Variants in MOCS1 observed in about 807,000 individuals in gnomAD.
MOCS1 encodes molybdenum cofactor synthesis 1.
Under a neutral mutation model 57.6 loss-of-function variants are expected in MOCS1, and 39 were observed. The ratio of observed to expected loss-of-function variants is 0.68; its 90% CI spans 0.52 to 0.88. The LOEUF is 0.88. MOCS1 is among the 40% of genes least tolerant of loss of function. The pLI is 0.00. For synonymous variants in MOCS1, 334 were observed against 335.7 expected, an observed-to-expected ratio of 1.00 and a Z score of 0.05; for missense variants, 795 against 831.1, an observed-to-expected ratio of 0.96 and a Z score of 0.53.
At chr6:39,927,759 C>T in intron 1 of MOCS1, 1 of 1,487,804 alleles carries the variant, frequency 6.7e-7, no homozygotes, top group Non-Finnish European at 8.9e-7. Context: ...AATCTATTAG[C>T]CCTTATTCTT....
At chr6:39,913,279 C>G (rs769748043) in intron 6 of MOCS1, 38 bp downstream of exon 6, 2 of 1,574,012 alleles carry the variant, frequency 1.3e-6, no homozygotes, top group Non-Finnish European at 1.7e-6. Context: ...CAGGCCCAAC[C>G]CCTTCTTCCC....
Position 39,905,469 on chromosome 6 carries a change from G to A in MOCS1, c.*888C>T, listed in dbSNP as rs201675490. 57 of 470,992 alleles carry A rather than the reference G, an allele frequency of 1.2e-4. No homozygotes were observed. The highest frequency in any genetic ancestry group is 2.2e-5 in the Non-Finnish European group (5 of 227,068). 29.2% of individuals were successfully genotyped at this position (470,992 alleles called of 1,614,324 possible). ...TTGATTGATAGGTGCAGCCTTCCCTGTGAAACTGCAGCAGCTCAGTGCCCT... is the reference window on the plus strand; with the variant it reads ...TTGATTGATAGGTGCAGCCTTCCCTATGAAACTGCAGCAGCTCAGTGCCCT... On this transcript the variant is annotated 3_prime_UTR_variant, in exon 11 of 11. Transcript: ENST00000340692.
chr6:39,912,867 G>T, intron 7 of MOCS1, 25 bp downstream of exon 7: 1 of 1,586,234 alleles, frequency 6.3e-7, no homozygotes, highest in Non-Finnish European at 8.7e-7. Flanking sequence ...CTCCAGGCCT[G>T]CCCCACACCC....
At chr6:39,916,906 G>A (rs542811994) in intron 3 of MOCS1, among the ~76,000 whole-genome samples, 1 of 152,318 alleles carries the variant, frequency 6.6e-6, no homozygotes, top group East Asian at 1.9e-4. Context: ...TGACTAGTGT[G>A]CACGCAGCTT....
Position 39,906,354 on chromosome 6 carries a change from G to A in MOCS1, c.*3C>T. 1 of 1,596,628 alleles carries A rather than the reference G, an allele frequency of 6.3e-7. No individual in the cohort carries two copies. The highest frequency in any genetic ancestry group is 8.6e-7 in the Non-Finnish European group (1 of 1,168,528). On this transcript the variant is annotated 3_prime_UTR_variant, in exon 11 of 11. Coordinates refer to ENST00000340692, the MANE Select transcript of MOCS1 (RefSeq NM_001358530.2). Reference sequence around the variant, plus strand: ...GGTGGGCCATGGGTGAGAAGGGCAGGTGCTAAGCCCGATGGAAGTCCCCCC... The same window carrying A: ...GGTGGGCCATGGGTGAGAAGGGCAGATGCTAAGCCCGATGGAAGTCCCCCC...
Position 39,916,102 on chromosome 6 carries a change from C to A in MOCS1, c.549G>T (p.Val183=), listed in dbSNP as rs1582817180. Residue 183 remains valine (V), a synonymous_variant, in exon 4 of 11, where the codon GTG becomes GTT. Transcript: ENST00000340692. ...SAINISLDTL[V]PAKFEFIVRR... ...GGACAATGAACTCAAACTTGGCAGG[C>A]ACCAGGGTGTCCAGGCTGATGTTGA... The A allele has an allele frequency of 1.9e-6, 3 of 1,612,930 alleles. No homozygotes were observed. The African/African-American group carries it at 4.0e-5, about 22-fold the overall frequency.
At position 39,906,335 on chromosome 6, in the gene MOCS1, C is replaced by T. The variant is rs1458157573; in HGVS notation, c.*22G>A. 3.8e-6 allele frequency: 6 copies of T among 1,597,652 alleles called. No homozygotes were observed. The highest frequency in any genetic ancestry group is 5.1e-6 in the Non-Finnish European group (6 of 1,169,314). On this transcript the variant is annotated 3_prime_UTR_variant, in exon 11 of 11. Transcript: ENST00000340692. The stretch of plus-strand genomic sequence containing the variant: ...CATCCCAGCTCCAGGCCTGGGTGGG[C>T]CATGGGTGAGAAGGGCAGGTGCTAA...
chr6:39,915,929 T>G, intron 4 of MOCS1, 139 bp downstream of exon 4: 22 of 1,024,966 alleles, frequency 2.1e-5, no homozygotes, highest in Non-Finnish European at 2.9e-5. Flanking sequence ...AGATGAGGGG[T>G]GAGAAATAAG....
Position 39,913,381 on chromosome 6 carries a change from G to A in MOCS1, c.693C>T (p.Asp231=), listed in dbSNP as rs554765057. ...MRGLNEDELL[D]FAALTEGLPL... is the part of the protein sequence containing the mutation. ...GGAGGCCCTCAGTCAAGGCCGCAAA[G>A]TCCAGGAGTTCATCCTCGTTAAGGC... The change falls in exon 6 of 11, where the codon GAC becomes GAT. Residue 231 remains aspartate, a synonymous_variant. Coordinates refer to ENST00000340692, the MANE Select transcript of MOCS1 (RefSeq NM_001358530.2). The A allele has an allele frequency of 1.9e-5, 30 of 1,614,222 alleles. No homozygotes were observed. In the South Asian group the frequency reaches 3.2e-4, roughly 17 times the overall value.
At position 39,904,633 on chromosome 6, in the gene MOCS1, G is replaced by A. The variant is rs374151993; in HGVS notation, c.*1724C>T. On this transcript the variant is annotated 3_prime_UTR_variant, in exon 11 of 11. Transcript: ENST00000340692. ...AAAATTCTCCAGGTGAATGGGGAAGGGTCTGTTCCAGCCTCTCCCTACTCC... is the reference window on the plus strand; with the variant it reads ...AAAATTCTCCAGGTGAATGGGGAAGAGTCTGTTCCAGCCTCTCCCTACTCC... The A allele has an allele frequency of 1.4e-4, 64 of 454,092 alleles. No homozygotes were observed. The highest frequency in any genetic ancestry group is 1.2e-3 in the African/African-American group (60 of 50,074). The allele number at this position is 454,092 out of a possible 1,614,324, so 28.1% of individuals were successfully genotyped here.
intron 1 of MOCS1, among the ~76,000 whole-genome samples, chr6:39,933,771 G>A (rs1582847075): frequency 6.6e-6 from 1 of 151,996 alleles, no homozygotes; most frequent in South Asian, 2.1e-4. Flanking sequence ...ACCCTCCCAA[G>A]GTTAATAAAA....
At position 39,927,446 on chromosome 6, in the gene MOCS1, T is replaced by C. The variant is rs747305781; in HGVS notation, c.133A>G (p.Arg45Gly). The change falls in exon 2 of 11, where the codon AGG becomes GGG. Residue 45 changes from arginine to glycine, a missense_variant. Physicochemically the swap from Arg to Gly is moderately radical, Grantham distance 125 (BLOSUM62 -2). Coordinates refer to ENST00000340692, the MANE Select transcript of MOCS1 (RefSeq NM_001358530.2). ...TGCTCCCGCAGGAACTGCCTCCGCC[T>C]GGACACCTCCTGCGAGGACAGACCA... ...SARAASEEVS[R>G]RRQFLREHAA... The C allele has an allele frequency of 6.2e-7, 1 of 1,611,630 alleles. No homozygotes were observed. The highest frequency in any genetic ancestry group is 2.2e-5 in the East Asian group (1 of 44,858).
chr6:39,917,335 A>G (rs779036698), intron 3 of MOCS1, among the ~76,000 whole-genome samples: 9 of 152,302 alleles, frequency 5.9e-5, no homozygotes, highest in African/African-American at 2.2e-4. Flanking sequence ...AAAACTCACT[A>G]TCATGAGAAC....
At chr6:39,919,902 G>T (rs1389729783) in intron 3 of MOCS1, among the ~76,000 whole-genome samples, 1 of 152,084 alleles carries the variant, frequency 6.6e-6, no homozygotes, top group Admixed American at 6.6e-5. Flanking sequence ...ATCTGATCTG[G>T]GGTTAGGTGT....
chr6:39,927,170 C>T (rs1030616230), intron 2 of MOCS1, 159 bp downstream of exon 2: 6 of 810,800 alleles, frequency 7.4e-6, no homozygotes, highest in Non-Finnish European at 1.2e-5. Context: ...CCCTATCTTG[C>T]CCCTGAAGCC....
Position 39,905,828 on chromosome 6 carries a change from GACA to G in MOCS1, c.*526_*528del, listed in dbSNP as rs1562080471. On this transcript the variant is annotated 3_prime_UTR_variant, in exon 11 of 11. Coordinates refer to ENST00000340692, the MANE Select transcript of MOCS1 (RefSeq NM_001358530.2). ...AGAAGGAGAGATGAAGTCAGGACAGGACAGGACAGGGCAGGGCTGCGGCTTCAC... is the reference window on the plus strand; with the variant it reads ...AGAAGGAGAGATGAAGTCAGGACAGGGGACAGGGCAGGGCTGCGGCTTCAC... 1.7e-5 allele frequency: 8 copies of G among 470,550 alleles called. No individual in the cohort carries two copies. Among genetic ancestry groups the G allele is most frequent in the African/African-American group, 1.6e-4 (8 of 49,682 alleles). The allele number at this position is 470,550 out of a possible 1,614,324, so 29.1% of individuals were successfully genotyped here. A position where few individuals can be genotyped will look rare whatever the true frequency, so the allele number is the denominator to read the frequency against.
At chr6:39,928,167 C>CT (rs769365209) in intron 1 of MOCS1, among the ~76,000 whole-genome samples, 2,896 of 141,276 alleles carry the variant, frequency 0.02, 57 homozygotes, top group African/African-American at 0.05. Flanking sequence ...ATTCCAGGTT[C>CT]TTTTTTTTTT....
chr6:39,917,667 C>T (rs1316939523), intron 3 of MOCS1, among the ~76,000 whole-genome samples: 2 of 151,952 alleles, frequency 1.3e-5, no homozygotes, highest in African/African-American at 2.4e-5. Flanking sequence ...TAACTACTTC[C>T]CCAAATAGAA....
chr6:39,927,508 G>A (rs1768394795), intron 1 of MOCS1, 53 bp from the exon 2 acceptor site: 1 of 1,610,490 alleles, frequency 6.2e-7, no homozygotes, highest in Non-Finnish European at 8.5e-7. Context: ...GGGCTGGGAA[G>A]AGGCACAAGG....
Sources: gnomAD v4.1 joint callset for allele counts (sites outside exome capture counted in the v4.1 genomes callset) on GRCh38, gnomAD v4.1.1 for gene constraint, MANE v1.5 for transcripts, NCBI Gene and HGNC (gene_info 2026-07-23, HGNC 2026-07-21) for gene names.